FAM107A: variants seen among roughly 807,000 people sequenced by gnomAD.
The protein encoded by FAM107A is family with sequence similarity 107 member A.
A neutral mutation model predicts 13.7 loss-of-function variants in FAM107A; 19 were observed. The ratio of observed to expected loss-of-function variants is 1.38; its 90% CI spans 0.97 to 2.03. The LOEUF is 2.03. FAM107A is among the 30% of genes most tolerant of loss of function. FAM107A has a pLI of 0.00. For missense variants in FAM107A, 203 were observed against 184.4 expected (o/e 1.10, Z -0.58); for synonymous variants, 82 against 74.5 (o/e 1.10, Z -0.52).
chr3:58,570,425 T>C (rs1333389000), intron 1 of FAM107A: 2 of 971,458 alleles, frequency 2.1e-6, no homozygotes, highest in Non-Finnish European at 2.4e-6. Flanking sequence ...GCTGTGTCCC[T>C]AATAGCAAAG....
At chr3:58,627,376 A>T (rs1326003296) in intron 1 of FAM107A, 1 of 223,376 alleles carries the variant, frequency 4.5e-6, no homozygotes, top group Non-Finnish European at 8.8e-6. Flanking sequence ...GCGGCGGGTG[A>T]CCTCTGCCTG....
chr3:58,601,001 G>A (rs2065748731), intron 1 of FAM107A, among the ~76,000 whole-genome samples: 1 of 152,142 alleles, frequency 6.6e-6, no homozygotes, highest in African/African-American at 2.4e-5. Flanking sequence ...GGTTCCTCGT[G>A]TATAAAATAA....
chr3:58,589,309 G>T (rs1437689253), upstream of FAM107A: 2 of 1,379,326 alleles, frequency 1.4e-6, no homozygotes, highest in Admixed American at 2.0e-5. Context: ...GAGGACCCTT[G>T]GTTCTTTGGC....
At chr3:58,588,406 C>T (rs1293785238), upstream of FAM107A, among the ~76,000 whole-genome samples, 1 of 152,252 alleles carries the variant, frequency 6.6e-6, no homozygotes, top group Non-Finnish European at 1.5e-5. Context: ...CCAGCTTCTG[C>T]TCTGACTCAG....
At chr3:58,595,382 C>T (rs1304312173) in intron 1 of FAM107A, among the ~76,000 whole-genome samples, 1 of 152,196 alleles carries the variant, frequency 6.6e-6, no homozygotes, top group Admixed American at 6.5e-5. Context: ...TAGCCAGGTC[C>T]TGCCTTAACT....
At position 58,597,353 on chromosome 3, in the gene FAM107A, T is replaced by C. The variant is rs188785283; in HGVS notation, c.-69-8084A>G. Among the ~76,000 whole-genome samples the C allele has an allele frequency of 2.6e-4, 39 of 152,348 alleles. 1 individual carries two copies. The highest frequency in any genetic ancestry group is 9.4e-4 in the African/African-American group (39 of 41,582). On this transcript the variant is annotated intron_variant, in intron 1 of 3. Coordinates refer to the FAM107A transcript ENST00000465970. ...TGGGGACACATTCAGGTCACTCCCA[T>C]ACACAATGCTTTGGATTGGCAGGGA...
chr3:58,584,098 C>G (rs9811144), intron 1 of FAM107A, among the ~76,000 whole-genome samples: 25 of 152,198 alleles, frequency 1.6e-4, no homozygotes, highest in Middle Eastern at 3.4e-3. Context: ...CACTTCCTGC[C>G]GCTCCCTGTG....
At chr3:58,612,894 GTTTATT>G (rs10555183) in intron 1 of FAM107A, among the ~76,000 whole-genome samples, 28,392 of 151,862 alleles carry the variant, frequency 0.19, 2,774 homozygotes, top group Non-Finnish European at 0.22. Flanking sequence ...TTGGAGTCAT[GTTTATT>G]TTTATTGTGC....
intron 1 of FAM107A, chr3:58,609,279 A>C (rs979575998): frequency 6.6e-6 from 1 of 152,178 alleles, no homozygotes; most frequent in African/African-American, 2.4e-5. Context: ...GGTAAATCAT[A>C]AATTTACAGA....
chr3:58,589,371 G>A, upstream of FAM107A: 1 of 771,744 alleles, frequency 1.3e-6, no homozygotes, highest in Non-Finnish European at 2.2e-6. Flanking sequence ...GGCCACTGAA[G>A]GGACTGGTCA....
At chr3:58,621,956 A>T (rs1399775345) in intron 1 of FAM107A, among the ~76,000 whole-genome samples, 1 of 152,206 alleles carries the variant, frequency 6.6e-6, no homozygotes, top group Non-Finnish European at 1.5e-5. Flanking sequence ...TAGCCCTTTC[A>T]TGGGGCATTT....
intron 1 of FAM107A, among the ~76,000 whole-genome samples, chr3:58,583,931 C>T (rs1012337017): frequency 2.6e-5 from 4 of 152,250 alleles, no homozygotes; most frequent in Admixed American, 6.5e-5. Context: ...ATGAGTCACC[C>T]AGTGTTATAT....
At chr3:58,602,341 CAG>C in intron 1 of FAM107A, among the ~76,000 whole-genome samples, 1 of 152,228 alleles carries the variant, frequency 6.6e-6, no homozygotes, top group South Asian at 2.1e-4. Flanking sequence ...TGTGAGGAAA[CAG>C]ACACTCTGGT....
chr3:58,565,229 C>T lies in FAM107A; in HGVS notation c.*1359G>A, dbSNP rs1267682774. The T allele has an allele frequency of 6.6e-6, 1 of 152,008 alleles. No homozygotes were observed. The highest frequency in any genetic ancestry group is 1.5e-5 in the Non-Finnish European group (1 of 68,024). The allele number at this position is 152,008 out of a possible 1,614,324, so 9.4% of individuals were successfully genotyped here. A position where few individuals can be genotyped will look rare whatever the true frequency, so the allele number is the denominator to read the frequency against. ...GTGGGTCTCACACAGGAAAGGCCTTCTGAAGAAGAAAAATGGGTGAATTCA... is the reference window on the plus strand; with the variant it reads ...GTGGGTCTCACACAGGAAAGGCCTTTTGAAGAAGAAAAATGGGTGAATTCA... On this transcript the variant is annotated 3_prime_UTR_variant, in exon 4 of 4. Coordinates refer to ENST00000360997, the MANE Select transcript of FAM107A (RefSeq NM_001076778.3).
chr3:58,609,663 A>G (rs1000876678), intron 1 of FAM107A, among the ~76,000 whole-genome samples: 11 of 152,156 alleles, frequency 7.2e-5, no homozygotes, highest in Admixed American at 2.6e-4. Context: ...TTTGTTTTTC[A>G]AGACCTCTGG....
intron 1 of FAM107A, among the ~76,000 whole-genome samples, chr3:58,626,019 G>A (rs998000801): frequency 6.6e-6 from 1 of 152,172 alleles, no homozygotes; most frequent in African/African-American, 2.4e-5. Context: ...GCAGGTACCA[G>A]CCCCCCTTTA....
chr3:58,566,387 T>C lies in FAM107A; in HGVS notation c.*201A>G. The C allele has an allele frequency of 1.8e-6, 1 of 562,730 alleles. No individual in the cohort carries two copies. The allele number at this position is 562,730 out of a possible 1,614,324, so 34.9% of individuals were successfully genotyped here. A position where few individuals can be genotyped will look rare whatever the true frequency, so the allele number is the denominator to read the frequency against. ...TCCCTCTTGGAGCAGGAGGGCTGGG[T>C]GCTTGGAAGGAAAACCTAGGAGCTT... On this transcript the variant is annotated 3_prime_UTR_variant, in exon 4 of 4. Transcript: ENST00000360997.
Position 58,569,577 on chromosome 3 carries a change from A to C in FAM107A, c.170+114T>G. On this transcript the variant is annotated intron_variant, in intron 2 of 3. Coordinates refer to ENST00000360997, the MANE Select transcript of FAM107A (RefSeq NM_001076778.3). This position sits in a 1 kb window ranked among gnomAD's most constrained non-coding sequence, Gnocchi z 5.7. ...CATGTGGGGCACCTCAGCCTTCCTC[A>C]GTCTCCAGGAGCCCCAGGATGAAAG... The C allele has an allele frequency of 1.2e-6, 1 of 864,036 alleles. No individual in the cohort carries two copies. Among genetic ancestry groups the C allele is most frequent in the East Asian group, 2.5e-5 (1 of 40,094 alleles). The allele number at this position is 864,036 out of a possible 1,614,324, so 53.5% of individuals were successfully genotyped here.
chr3:58,591,385 G>A (rs9311679), upstream of FAM107A, among the ~76,000 whole-genome samples: 5,483 of 152,178 alleles, frequency 0.036, 364 homozygotes, highest in African/African-American at 0.13. The surrounding 1 kb of genome is among the most constrained non-coding windows in gnomAD (Gnocchi z 4.3). Context: ...CAAAGGTTCC[G>A]AGCTGGGCTG....
Sources: allele counts gnomAD v4.1 joint callset (sites outside exome capture counted in the v4.1 genomes callset), GRCh38; gene constraint gnomAD v4.1.1; non-coding constraint Gnocchi (gnomAD v3.1); transcripts MANE v1.5; gene names NCBI Gene and HGNC (gene_info 2026-07-23, HGNC 2026-07-21).